The following GEMIN4 variants were observed in gnomAD, a reference collection of about 807,000 sequenced individuals.
GEMIN4 encodes gem-associated protein 4.
In GEMIN4, 59 loss-of-function variants were observed where a neutral mutation model predicts 76.8. The ratio of observed to expected loss-of-function variants is 0.77; its 90% CI spans 0.62 to 0.95. The LOEUF is 0.95. Among genes scored for constraint, GEMIN4 ranks in the 40% least tolerant of loss-of-function variants. The pLI, the probability that GEMIN4 is intolerant of heterozygous loss-of-function variation, is 0.00. For missense variants in GEMIN4, 1,311 were observed against 1,318.9 expected (o/e 0.99, Z 0.09); for synonymous variants, 562 against 559.7 (o/e 1.00, Z -0.06).
At chr17:753,847 A>C (rs376013404), upstream of GEMIN4, 2 of 152,360 alleles carry the variant, frequency 1.3e-5, no homozygotes, top group East Asian at 1.9e-4. Context: ...CCAGCCCCTT[A>C]TCTCTTCAAG....
chr17:747,384 A>G lies in GEMIN4; in HGVS notation c.659T>C (p.Leu220Pro). ...CPTMPLLAML[L>P]RGLTQIQSRI... ...ACTCTGGATCTGTGTCAGCCCGCGG[A>G]GCAGCATGGCCAACAGGGGCATGGT... Residue 220 changes from leucine (L) to proline (P), a missense_variant, in exon 2 of 2, where the codon CTC becomes CCC. Leu to Pro is a moderately conservative substitution (Grantham distance 98, BLOSUM62 -3). Around this residue, in one of 2 missense-constraint regions of GEMIN4, gnomAD observed 1,208 missense variants for 1,166.9 expected, o/e 1.04. Transcript: ENST00000319004. 6.2e-7 allele frequency: 1 copy of G among 1,613,736 alleles called. No homozygotes were observed. The highest frequency in any genetic ancestry group is 8.5e-7 in the Non-Finnish European group (1 of 1,179,872).
At chr17:751,912 C>T in intron 1 of GEMIN4, 1 of 383,116 alleles carries the variant, frequency 2.6e-6, no homozygotes, top group Non-Finnish European at 4.6e-6. Flanking sequence ...TGTTTTCAAG[C>T]GCAGGGGGCC....
chr17:752,658 A>G, upstream of GEMIN4: 1 of 1,012,142 alleles, frequency 9.9e-7, no homozygotes, highest in Non-Finnish European at 1.2e-6. Context: ...CCCTCCAGAC[A>G]GCAGCGTTCC....
In GEMIN4 at chr17:745,128, G is replaced by C; in HGVS notation, c.2915C>G (p.Thr972Ser). Reference protein sequence around the residue: ...PWVQGPEQDLTQEALFVYTQV... With the variant: ...PWVQGPEQDLSQEALFVYTQV... ...GGTGTAAACAAACAGGGCTTCCTGG[G>C]TCAGGTCCTGCTCTGGTCCTTGAAC... is the stretch of plus-strand genomic sequence containing the variant. Residue 972 changes from threonine (T) to serine (S), a missense_variant, in exon 2 of 2, where the codon ACC (threonine) becomes AGC (serine). Physicochemically the swap from Thr to Ser is moderately conservative, Grantham distance 58. Around this residue, in one of 2 missense-constraint regions of GEMIN4, gnomAD observed 1,208 missense variants for 1,166.9 expected, o/e 1.04. Transcript: ENST00000319004. The surrounding 1 kb of genome is among the most constrained non-coding windows in gnomAD (Gnocchi z 4.6). 2 of 1,609,340 alleles carry C rather than the reference G, an allele frequency of 1.2e-6. No individual in the cohort carries two copies. Among genetic ancestry groups the C allele is most frequent in the Admixed American group, 3.4e-5 (2 of 59,236 alleles).
Position 746,678 on chromosome 17 carries a change from C to A in GEMIN4, c.1365G>T (p.Leu455Phe). The A allele has an allele frequency of 5.0e-6, 8 of 1,613,614 alleles. No individual in the cohort carries two copies. The highest frequency in any genetic ancestry group is 6.8e-6 in the Non-Finnish European group (8 of 1,179,878). The change falls in exon 2 of 2, where the codon TTG becomes TTT. Residue 455 changes from leucine to phenylalanine, a missense_variant. By Grantham distance (22) the Leu-to-Phe change is conservative. Transcript: ENST00000319004. The surrounding 1 kb of genome is among the most constrained non-coding windows in gnomAD (Gnocchi z 4.3). ...RALFRQPDLV[L>F]RLLETVIDVS... The stretch of plus-strand genomic sequence containing the variant: ...CGTCTATCACTGTTTCCAGCAGCCT[C>A]AACACCAAGTCTGGCTGTCGGAAGA...
rs3744741 is a variant in GEMIN4 at position 745,992 on chromosome 17, C to T, written c.2051G>A (p.Arg684Gln). ...GCAGGTCTGGAGCCAGTATTCCTCT[C>T]GGCACGCGTTTGCCTCTAGAGTCTG... ...FIQTLEANAC[R>Q]EEYWLQTCSP... Residue 684 changes from arginine (R) to glutamine (Q), a missense_variant, in exon 2 of 2, where the codon CGA becomes CAA. Physicochemically the swap from Arg to Gln is conservative, Grantham distance 43 (BLOSUM62 1). Coordinates refer to ENST00000319004, the MANE Select transcript of GEMIN4 (RefSeq NM_015721.3). This position sits in a 1 kb window ranked among gnomAD's most constrained non-coding sequence, Gnocchi z 4.6. 253,783 of 1,613,082 alleles carry T rather than the reference C, an allele frequency of 0.16. 23,573 individuals carry two copies. Among genetic ancestry groups the T allele is most frequent in the African/African-American group, 0.32 (23,885 of 74,946 alleles).
rs752849227 is a variant in GEMIN4, at chr17:745,341, T to A, written c.2702A>T (p.Asn901Ile). 6.2e-7 allele frequency: 1 copy of A among 1,612,742 alleles called. No homozygotes were observed. ...LEYIQFVPLL[N>I]LKPFAQELQL... ...CAACTCCTGGGCAAAGGGCTTCAGG[T>A]TGAGCAGGGGAACAAACTGAATATA... Residue 901 changes from asparagine (N) to isoleucine (I), a missense_variant, in exon 2 of 2, where the codon AAC (asparagine) becomes ATC (isoleucine). By Grantham distance (149) the Asn-to-Ile change is moderately radical (BLOSUM62 -3). Coordinates refer to ENST00000319004, the MANE Select transcript of GEMIN4 (RefSeq NM_015721.3). This position sits in a 1 kb window ranked among gnomAD's most constrained non-coding sequence, Gnocchi z 4.6.
chr17:745,229 G>A lies in GEMIN4; in HGVS notation c.2814C>T (p.His938=), dbSNP rs371078277. The change falls in exon 2 of 2, where the codon CAC becomes CAT. Residue 938 remains histidine (H), a synonymous_variant. Coordinates refer to ENST00000319004, the MANE Select transcript of GEMIN4 (RefSeq NM_015721.3). The surrounding 1 kb of genome is among the most constrained non-coding windows in gnomAD (Gnocchi z 4.6). ...RDWLPLEGWN[H]VVKLLCGSLT... ...GACTGCCACAGAGGAGTTTGACCACGTGGTTCCAGCCTTCCAGAGGAAGCC... is the reference window on the plus strand; with the variant it reads ...GACTGCCACAGAGGAGTTTGACCACATGGTTCCAGCCTTCCAGAGGAAGCC... The A allele has an allele frequency of 1.5e-5, 24 of 1,609,658 alleles. No individual in the cohort carries two copies. The highest frequency in any genetic ancestry group is 5.3e-5 in the African/African-American group (4 of 74,850).
In GEMIN4 at chr17:752,133, C is replaced by G. The variant is rs1904753766; in HGVS notation, c.10G>C (p.Gly4Arg). ...GGGGCCGGGGAGCCGCGGCACCCAC[C>G]TAGGTCCATGGCGGCGACGCCGGCG... Reference protein sequence around the residue: MDLGPLNICEEMTI... With the variant: MDLRPLNICEEMTI... Residue 4 changes from glycine (G) to arginine (R), a missense_variant and splice_region_variant, in exon 1 of 2, where the codon GGA becomes CGA. Coordinates refer to ENST00000319004, the MANE Select transcript of GEMIN4 (RefSeq NM_015721.3). 2 of 1,240,398 alleles carry G rather than the reference C, an allele frequency of 1.6e-6. No individual in the cohort carries two copies. The highest frequency in any genetic ancestry group is 3.1e-5 in the East Asian group (1 of 32,094). 76.8% of individuals were successfully genotyped at this position (1,240,398 alleles called of 1,614,324 possible). A position where few individuals can be genotyped will look rare whatever the true frequency, so the allele number is the denominator to read the frequency against.
rs920234520 is a variant in GEMIN4 at position 752,143 on chromosome 17, G to A, written c.-1C>T. 3.5e-5 allele frequency: 43 copies of A among 1,238,910 alleles called. No homozygotes were observed. Among genetic ancestry groups the A allele is most frequent in the African/African-American group, 1.5e-4 (10 of 64,604 alleles). The allele number at this position is 1,238,910 out of a possible 1,614,324, so 76.7% of individuals were successfully genotyped here. The stretch of plus-strand genomic sequence containing the variant: ...AGCCGCGGCACCCACCTAGGTCCAT[G>A]GCGGCGACGCCGGCGGCTGCGCGGG... On this transcript the variant is annotated 5_prime_UTR_variant, in exon 1 of 2. Transcript: ENST00000319004.
intron 1 of GEMIN4, chr17:749,722 C>T: frequency 1.4e-6 from 1 of 693,300 alleles, no homozygotes; most frequent in South Asian, 4.1e-5. Context: ...CACACAGCCA[C>T]AGGGTAATGG....
In GEMIN4 at chr17:752,233, C is replaced by G; in HGVS notation, c.-91G>C. The G allele has an allele frequency of 8.1e-7, 1 of 1,229,058 alleles. No homozygotes were observed. The highest frequency in any genetic ancestry group is 2.6e-4 in the Middle Eastern group (1 of 3,816). The allele number at this position is 1,229,058 out of a possible 1,614,324, so 76.1% of individuals were successfully genotyped here. ...GGGACGCACGGCACGATGGGAGACG[C>G]AGGAGCCACGGCGGCCGCGCTTAGG... On this transcript the variant is annotated 5_prime_UTR_variant, in exon 1 of 2. Transcript: ENST00000319004.
In GEMIN4 at chr17:745,074, A is replaced by C; in HGVS notation, c.2969T>G (p.Met990Arg). ...ACAGACCTCCGGGTGGAGCATGGCC[A>C]TGATGTGCAGAGCATGGCAGAACAC... is the stretch of plus-strand genomic sequence containing the variant. ...TQVFCHALHIMAMLHPEVCEP... is the reference protein window; with the variant it reads ...TQVFCHALHIRAMLHPEVCEP... Residue 990 changes from methionine (M) to arginine (R), a missense_variant, in exon 2 of 2, where the codon ATG becomes AGG. By Grantham distance (91) the Met-to-Arg change is moderately conservative. Coordinates refer to ENST00000319004, the MANE Select transcript of GEMIN4 (RefSeq NM_015721.3). This position sits in a 1 kb window ranked among gnomAD's most constrained non-coding sequence, Gnocchi z 4.6. 1 of 1,613,682 alleles carries C rather than the reference A, an allele frequency of 6.2e-7. No homozygotes were observed. The highest frequency in any genetic ancestry group is 1.1e-5 in the South Asian group (1 of 91,046).
At position 747,031 on chromosome 17, in the gene GEMIN4, T is replaced by C. The variant is rs768222458; in HGVS notation, c.1012A>G (p.Ser338Gly). 6.2e-7 allele frequency: 1 copy of C among 1,613,452 alleles called. No homozygotes were observed. Among genetic ancestry groups the C allele is most frequent in the Admixed American group, 1.7e-5 (1 of 60,010 alleles). Reference protein sequence around the residue: ...GEELQAVLRSSQGTSYDSYRL... With the variant: ...GEELQAVLRSGQGTSYDSYRL... ...TAGCTGTCGTAACTTGTCCCCTGGC[T>C]GCTGCGGAGCACGGCCTGCAACTCC... Residue 338 changes from serine (S) to glycine (G), a missense_variant, in exon 2 of 2, where the codon AGC becomes GGC. Ser to Gly is a moderately conservative substitution (Grantham distance 56, BLOSUM62 0). Around this residue, in one of 2 missense-constraint regions of GEMIN4, gnomAD observed 1,208 missense variants for 1,166.9 expected, o/e 1.04. Transcript: ENST00000319004.
intron 1 of GEMIN4, chr17:748,741 TCA>T (rs1468054619): frequency 5.4e-6 from 1 of 186,488 alleles, no homozygotes; most frequent in Non-Finnish European, 1.0e-5. Context: ...CACAGAGCAA[TCA>T]CACAGCCACA....
chr17:747,866 G>A lies in GEMIN4; in HGVS notation c.177C>T (p.His59=), dbSNP rs1904349817. The change falls in exon 2 of 2, where the codon CAC becomes CAT. Residue 59 remains histidine (H), a synonymous_variant. Coordinates refer to ENST00000319004, the MANE Select transcript of GEMIN4 (RefSeq NM_015721.3). ...ALREISSAAA[H]SQPFAWKKKA... Reference sequence around the variant, plus strand: ...TCTTCTTCCAGGCAAAGGGCTGGGAGTGTGCTGCAGCCGAGGAGATCTCCC... The same window carrying A: ...TCTTCTTCCAGGCAAAGGGCTGGGAATGTGCTGCAGCCGAGGAGATCTCCC... 1 of 1,613,828 alleles carries A rather than the reference G, an allele frequency of 6.2e-7. No homozygotes were observed. The highest frequency in any genetic ancestry group is 1.3e-5 in the African/African-American group (1 of 74,918).
Position 745,810 on chromosome 17 carries a change from C to T in GEMIN4, c.2233G>A (p.Glu745Lys), listed in dbSNP as rs1394455753. The change falls in exon 2 of 2, where the codon GAG becomes AAG. Residue 745 changes from glutamate (E) to lysine (K), a missense_variant. Transcript: ENST00000319004. This position sits in a 1 kb window ranked among gnomAD's most constrained non-coding sequence, Gnocchi z 4.6. Reference sequence around the variant, plus strand: ...ATCCAGACATCCGGGGAGAAGGTCTCAGCATTGGCTGATACAATCTCACAC... The same window carrying T: ...ATCCAGACATCCGGGGAGAAGGTCTTAGCATTGGCTGATACAATCTCACAC... ...LLCEIVSANAETFSPDVWIKS... is the reference protein window; with the variant it reads ...LLCEIVSANAKTFSPDVWIKS... 1 of 1,613,070 alleles carries T rather than the reference C, an allele frequency of 6.2e-7. No homozygotes were observed. Among genetic ancestry groups the T allele is most frequent in the Non-Finnish European group, 8.5e-7 (1 of 1,179,732 alleles).
At chr17:752,322 A>ACGAGCGCGC, upstream of GEMIN4, 2 of 1,219,622 alleles carry the variant, frequency 1.6e-6, no homozygotes, top group Non-Finnish European at 2.0e-6. Context: ...GTCCTCACGA[A>ACGAGCGCGC]CGAGCGCGCC....
upstream of GEMIN4, chr17:753,025 C>A (rs1347033635): frequency 6.1e-6 from 1 of 162,856 alleles, no homozygotes; most frequent in African/African-American, 2.4e-5. Context: ...CGGCCTCAGA[C>A]GTGAGAGCCA....
Sources: allele counts gnomAD v4.1 joint callset, GRCh38; gene constraint gnomAD v4.1.1; regional missense constraint gnomAD v4.1.1; non-coding constraint Gnocchi (gnomAD v3.1); transcripts MANE v1.5; gene names NCBI Gene and HGNC (gene_info 2026-07-23, HGNC 2026-07-21).